The following ARID3A variants were observed in gnomAD, a reference collection of about 807,000 sequenced individuals.
ARID3A encodes AT-rich interaction domain 3A.
ARID3A carries 11 observed loss-of-function variants against 52.7 expected under a neutral mutation model. The observed-to-expected ratio is 0.21, with a 90% CI of 0.13 to 0.35. The LOEUF is 0.35. Among genes scored for constraint, ARID3A ranks in the 10% least tolerant of loss-of-function variants. ARID3A has a pLI of 1.00. For synonymous variants in ARID3A, 404 were observed against 359.4 expected, an observed-to-expected ratio of 1.12 and a Z score of -1.40; for missense variants, 721 against 838.5, an observed-to-expected ratio of 0.86 and a Z score of 1.73.
chr19:946,437 A>AT (rs2037682667), intron 3 of ARID3A, among the ~76,000 whole-genome samples: 1 of 88,400 alleles, frequency 1.1e-5, no homozygotes, highest in Non-Finnish European at 2.2e-5. Context: ...AATTTTTTGA[A>AT]TCTTTTTTTT....
rs1235059867 is a variant in ARID3A, at chr19:975,480, T to G, written c.*3415T>G. ...TTTTTCCCCAATTGTGCTTTTGCAT[T>G]TTTTTCCTTGGCAAATGTAAACTCA... is the stretch of plus-strand genomic sequence containing the variant. On this transcript the variant is annotated 3_prime_UTR_variant, in exon 9 of 9. Transcript: ENST00000263620. 1 of 228,124 alleles carries G rather than the reference T, an allele frequency of 4.4e-6. No homozygotes were observed. The highest frequency in any genetic ancestry group is 6.2e-5 in the East Asian group (1 of 16,108). 14.1% of individuals were successfully genotyped at this position (228,124 alleles called of 1,614,324 possible).
At chr19:967,950 C>G (rs1450508582) in intron 7 of ARID3A, among the ~76,000 whole-genome samples, 6 of 150,256 alleles carry the variant, frequency 4.0e-5, no homozygotes, top group Non-Finnish European at 8.8e-5. Flanking sequence ...GAGGCTGAGG[C>G]AGGAGAATTG....
Position 975,338 on chromosome 19 carries a change from C to G in ARID3A, c.*3273C>G. The stretch of plus-strand genomic sequence containing the variant: ...TCCGTGGGACCCGTAAGTGGCTGTC[C>G]AGAAAGGCGGGAGGGTGGGCACGGG... On this transcript the variant is annotated 3_prime_UTR_variant, in exon 9 of 9. Coordinates refer to ENST00000263620, the MANE Select transcript of ARID3A (RefSeq NM_005224.3). 1 of 217,830 alleles carries G rather than the reference C, an allele frequency of 4.6e-6. No individual in the cohort carries two copies. The highest frequency in any genetic ancestry group is 2.3e-5 in the African/African-American group (1 of 44,406). 13.5% of individuals were successfully genotyped at this position (217,830 alleles called of 1,614,324 possible).
chr19:975,736 GAAAA>G lies in ARID3A; in HGVS notation c.*3683_*3686del, dbSNP rs200120532. 6 of 93,282 alleles carry G rather than the reference GAAAA, an allele frequency of 6.4e-5. No homozygotes were observed. The highest frequency in any genetic ancestry group is 8.5e-5 in the African/African-American group (2 of 23,478). 5.8% of individuals were successfully genotyped at this position (93,282 alleles called of 1,614,324 possible). ...TCGCAGAACATTCAGGTATTAAAAGGAAAAAAAAAAAAAAAGACAAAAAGACCAA... is the reference window on the plus strand; with the variant it reads ...TCGCAGAACATTCAGGTATTAAAAGGAAAAAAAAAAAGACAAAAAGACCAA... On this transcript the variant is annotated 3_prime_UTR_variant, in exon 9 of 9. Coordinates refer to ENST00000263620, the MANE Select transcript of ARID3A (RefSeq NM_005224.3).
chr19:968,789 C>G, intron 8 of ARID3A: 1 of 280,920 alleles, frequency 3.6e-6, no homozygotes, highest in South Asian at 7.1e-5. Flanking sequence ...GAGTCTTGCA[C>G]AGACATGCAC....
chr19:953,286 C>T (rs1242494433), intron 3 of ARID3A, among the ~76,000 whole-genome samples: 1 of 152,184 alleles, frequency 6.6e-6, no homozygotes, highest in Non-Finnish European at 1.5e-5. Flanking sequence ...CAACGTTTCG[C>T]CACAAACAAG....
At chr19:957,152 C>A (rs990526477) in intron 3 of ARID3A, among the ~76,000 whole-genome samples, 3 of 152,178 alleles carry the variant, frequency 2.0e-5, no homozygotes, top group Non-Finnish European at 4.4e-5. Context: ...TCCTTGTACC[C>A]CAGACGGAGC....
chr19:939,501 G>A (rs61260832), intron 3 of ARID3A, among the ~76,000 whole-genome samples: 2,044 of 152,218 alleles, frequency 0.013, 55 homozygotes, highest in African/African-American at 0.044. Context: ...AGGGAGCCCC[G>A]AGTCCCTCCC....
chr19:931,830 A>C (rs1369215445), intron 2 of ARID3A, among the ~76,000 whole-genome samples: 1 of 151,866 alleles, frequency 6.6e-6, no homozygotes, highest in East Asian at 1.9e-4. Context: ...AGACAAAAAA[A>C]AAAAAACGGC....
At chr19:963,549 G>T (rs1044927254) in intron 4 of ARID3A, among the ~76,000 whole-genome samples, 1 of 152,170 alleles carries the variant, frequency 6.6e-6, no homozygotes, top group South Asian at 2.1e-4. Flanking sequence ...GAAGGGCGGG[G>T]AGGGGCCACG....
chr19:948,652 TCCTGG>T (rs1372808003), intron 3 of ARID3A, among the ~76,000 whole-genome samples: 3 of 151,660 alleles, frequency 2.0e-5, no homozygotes, highest in Non-Finnish European at 4.4e-5. Flanking sequence ...AGCTGTTCAT[TCCTGG>T]CCTCTGGACT....
chr19:928,653 C>G (rs984740278), intron 1 of ARID3A: 1 of 152,180 alleles, frequency 6.6e-6, no homozygotes, highest in Non-Finnish European at 1.5e-5. Flanking sequence ...TTGGTGCCCA[C>G]CTTAACCTCC....
At chr19:939,810 CG>C (rs1186338473) in intron 3 of ARID3A, among the ~76,000 whole-genome samples, 1 of 152,064 alleles carries the variant, frequency 6.6e-6, no homozygotes, top group African/African-American at 2.4e-5. Context: ...CGAACATCTT[CG>C]GGGCGTGAGA....
rs949347853 is a variant in ARID3A at position 966,830 on chromosome 19, C to T, written c.1457C>T (p.Ala486Val). 5.0e-6 allele frequency: 8 copies of T among 1,612,892 alleles called. No individual in the cohort carries two copies. Among genetic ancestry groups the T allele is most frequent in the Non-Finnish European group, 5.9e-6 (7 of 1,179,512 alleles). Residue 486 changes from alanine (A) to valine (V), a missense_variant, in exon 7 of 9, where the codon GCG becomes GTG. This residue lies in a region of ARID3A where 297 missense variants were observed against 343.2 expected (regional missense o/e 0.87). Coordinates refer to ENST00000263620, the MANE Select transcript of ARID3A (RefSeq NM_005224.3). The part of the protein sequence containing the change: ...RALQQNFLAM[A>V]AQLPMSIRIN... ...CTCCAGCAGAACTTCCTGGCCATGGCGGCCCAGCTGCCCATGAGCATTCGG... is the reference window on the plus strand; with the variant it reads ...CTCCAGCAGAACTTCCTGGCCATGGTGGCCCAGCTGCCCATGAGCATTCGG...
rs2038018035 is a variant in ARID3A at position 960,473 on chromosome 19, G to T, written c.766+309G>T. On this transcript the variant is annotated intron_variant, in intron 4 of 8. Coordinates refer to ENST00000263620, the MANE Select transcript of ARID3A (RefSeq NM_005224.3). This position sits in a 1 kb window ranked among gnomAD's most constrained non-coding sequence, Gnocchi z 4.3. ...TCCTTAGCATCCAGGGTGCAGTGAA[G>T]TGGGGGTCCCCACTACTGGGTAATG... is the stretch of plus-strand genomic sequence containing the variant. Among the ~76,000 whole-genome samples the T allele has an allele frequency of 6.6e-6, 1 of 152,116 alleles. No homozygotes were observed. Among genetic ancestry groups the T allele is most frequent in the South Asian group, 2.1e-4 (1 of 4,834 alleles).
intron 3 of ARID3A, among the ~76,000 whole-genome samples, chr19:957,243 G>A (rs957765819): frequency 1.3e-5 from 2 of 152,110 alleles, no homozygotes; most frequent in Non-Finnish European, 2.9e-5. Flanking sequence ...AGAGGCGGTC[G>A]GTGGCTCATT....
Position 973,917 on chromosome 19 carries a change from CG to C in ARID3A, c.*1853del. On this transcript the variant is annotated 3_prime_UTR_variant, in exon 9 of 9. Coordinates refer to ENST00000263620, the MANE Select transcript of ARID3A (RefSeq NM_005224.3). ...CAGGGTCTGGGGACTTCGTTGGACC[CG>C]CGTGGTGTTGGGCGGGGCTGTCGTG... The C allele has an allele frequency of 4.3e-6, 1 of 230,772 alleles. No individual in the cohort carries two copies. Among genetic ancestry groups the C allele is most frequent in the Non-Finnish European group, 8.6e-6 (1 of 116,526 alleles). 14.3% of individuals were successfully genotyped at this position (230,772 alleles called of 1,614,324 possible).
Position 966,818 on chromosome 19 carries a change from T to C in ARID3A, c.1445T>C (p.Phe482Ser), listed in dbSNP as rs769392624. The C allele has an allele frequency of 1.9e-6, 3 of 1,613,454 alleles. No homozygotes were observed. The Admixed American group carries it at 5.0e-5, about 27-fold the overall frequency. The change falls in exon 7 of 9, where the codon TTC (phenylalanine) becomes TCC (serine). Residue 482 changes from phenylalanine to serine, a missense_variant. Physicochemically the swap from Phe to Ser is radical, Grantham distance 155. Transcript: ENST00000263620. ...ATGCAACGTGCACTCCAGCAGAACT[T>C]CCTGGCCATGGCGGCCCAGCTGCCC... ...RLMQRALQQN[F>S]LAMAAQLPMS...
At chr19:937,699 CTTTTTTTTTTT>C (rs951435776) in intron 3 of ARID3A, among the ~76,000 whole-genome samples, 3 of 90,796 alleles carry the variant, frequency 3.3e-5, no homozygotes, top group Admixed American at 1.5e-4. Flanking sequence ...TTATTGTCGA[CTTTTTTTTTTT>C]TTTTTTTTTT....
Sources: allele counts gnomAD v4.1 joint callset (sites outside exome capture counted in the v4.1 genomes callset), GRCh38; gene constraint gnomAD v4.1.1; regional missense constraint gnomAD v4.1.1; non-coding constraint Gnocchi (gnomAD v3.1); transcripts MANE v1.5; gene names NCBI Gene and HGNC (gene_info 2026-07-23, HGNC 2026-07-21).